TANK: variants seen among roughly 807,000 people sequenced by gnomAD.
TANK encodes the protein TRAF family member associated NFKB activator.
TANK carries 15 observed loss-of-function variants against 43.6 expected under a neutral mutation model. The observed-to-expected ratio is 0.34, with a 90% CI of 0.23 to 0.53. TANK has a LOEUF of 0.53. Ranked by LOEUF, TANK falls within the 20% of genes least tolerant of loss-of-function variation. The probability of loss-of-function intolerance (pLI) is 0.94; values close to 1 mark genes in which losing one functional copy is unlikely to be tolerated. For synonymous variants in TANK, 162 were observed against 178.2 expected (o/e 0.91, Z 0.73); for missense variants, 417 against 498.6 (o/e 0.84, Z 1.56).
At chr2:161,150,083 C>T (rs1476571485) in intron 1 of TANK, among the ~76,000 whole-genome samples, 1 of 152,044 alleles carries the variant, frequency 6.6e-6, no homozygotes, top group Non-Finnish European at 1.5e-5. Flanking sequence ...TGGTAGAATT[C>T]ACCAGTGAAG....
intron 1 of TANK, among the ~76,000 whole-genome samples, chr2:161,168,471 A>G (rs1684793224): frequency 6.6e-6 from 1 of 152,200 alleles, no homozygotes; most frequent in South Asian, 2.1e-4. Context: ...ATGGCCAAGT[A>G]TGGTCCTGAA....
At chr2:161,143,707 T>C (rs1683818625) in intron 1 of TANK, among the ~76,000 whole-genome samples, 1 of 152,170 alleles carries the variant, frequency 6.6e-6, no homozygotes, top group East Asian at 1.9e-4. Context: ...TGCTTTTGGA[T>C]TCGGTTTGCC....
chr2:161,138,150 T>G (rs1683641828), intron 1 of TANK: 1 of 164,816 alleles, frequency 6.1e-6, no homozygotes, highest in Non-Finnish European at 1.3e-5. Context: ...CAATTAGCCC[T>G]CATATTTTCA....
intron 4 of TANK, among the ~76,000 whole-genome samples, chr2:161,213,786 T>A (rs1276917229): frequency 1.3e-5 from 2 of 152,002 alleles, no homozygotes; most frequent in Admixed American, 1.3e-4. Context: ...AATAGCTTTT[T>A]TAGCGATTGT....
chr2:161,144,000 T>C (rs144815937), intron 1 of TANK, among the ~76,000 whole-genome samples: 1 of 152,334 alleles, frequency 6.6e-6, no homozygotes, highest in Admixed American at 6.5e-5. Context: ...AACTTGTTAT[T>C]GGTCTATTCA....
chr2:161,206,202 A>G (rs1361641979), intron 4 of TANK, among the ~76,000 whole-genome samples: 1 of 152,074 alleles, frequency 6.6e-6, no homozygotes, highest in Non-Finnish European at 1.5e-5. Context: ...ACTCAGTAGT[A>G]TATGTATGTA....
chr2:161,175,601 T>G (rs1233745751), intron 1 of TANK, among the ~76,000 whole-genome samples: 2 of 152,122 alleles, frequency 1.3e-5, no homozygotes, highest in Non-Finnish European at 2.9e-5. Flanking sequence ...CTGGGAAGCT[T>G]TACCAAAGGA....
chr2:161,231,191 T>C lies in TANK; in HGVS notation c.741T>C (p.His247=). 3.1e-6 allele frequency: 5 copies of C among 1,613,996 alleles called. No homozygotes were observed. The highest frequency in any genetic ancestry group is 2.2e-5 in the East Asian group (1 of 44,884). ...PPMDNDSTFL[H]STPERPGILS... is the part of the protein sequence containing the mutation. ...TGGACAATGACTCAACTTTCTTACA[T>C]AGCACTCCAGAGAGACCCGGCATCC... is the stretch of plus-strand genomic sequence containing the variant. The change falls in exon 7 of 8, where the codon CAT becomes CAC. Residue 247 remains histidine, a synonymous_variant. Transcript: ENST00000392749.
chr2:161,213,790 C>T (rs759460895), intron 4 of TANK, among the ~76,000 whole-genome samples: 32 of 150,008 alleles, frequency 2.1e-4, no homozygotes, highest in Non-Finnish European at 3.4e-4. Context: ...GCTTTTTTAG[C>T]GATTGTGGAT....
chr2:161,233,024 T>C, intron 7 of TANK: 1 of 633,706 alleles, frequency 1.6e-6, no homozygotes, highest in East Asian at 3.1e-5. Flanking sequence ...TTAAGCTATT[T>C]TATTAGTATT....
rs750436990 is a variant in TANK, at chr2:161,224,777, G to T, written c.520+31G>T. Reference sequence around the variant, plus strand: ...ATTTAATTTAATTTACAGTAATATTGATTTGCTTGATTGAAATTGATTTCC... The same window carrying T: ...ATTTAATTTAATTTACAGTAATATTTATTTGCTTGATTGAAATTGATTTCC... On this transcript the variant is annotated intron_variant, in intron 6 of 7. Transcript: ENST00000392749. The T allele has an allele frequency of 5.9e-5, 74 of 1,252,838 alleles. 1 individual carries two copies. The highest frequency in any genetic ancestry group is 7.2e-5 in the Non-Finnish European group (65 of 902,652). The allele number at this position is 1,252,838 out of a possible 1,614,324, so 77.6% of individuals were successfully genotyped here.
At chr2:161,142,932 G>T (rs1683794737) in intron 1 of TANK, among the ~76,000 whole-genome samples, 1 of 152,082 alleles carries the variant, frequency 6.6e-6, no homozygotes, top group African/African-American at 2.4e-5. Context: ...CCATTTTCAT[G>T]ATGTTGATTC....
intron 4 of TANK, among the ~76,000 whole-genome samples, chr2:161,210,159 T>C (rs1274106702): frequency 6.6e-6 from 1 of 152,106 alleles, no homozygotes; most frequent in African/African-American, 2.4e-5. Flanking sequence ...TTTTTTAGGT[T>C]TAGAATAGTA....
intron 1 of TANK, among the ~76,000 whole-genome samples, chr2:161,173,013 T>C (rs1685020016): frequency 6.6e-6 from 1 of 152,136 alleles, no homozygotes; most frequent in Admixed American, 6.6e-5. Context: ...CTTGAAAATC[T>C]CTCATTACTC....
At chr2:161,147,800 T>C (rs925029336) in intron 1 of TANK, among the ~76,000 whole-genome samples, 1 of 152,224 alleles carries the variant, frequency 6.6e-6, no homozygotes, top group Admixed American at 6.5e-5. Flanking sequence ...TTTTTTTACT[T>C]AGCACAATGG....
At chr2:161,203,136 A>C (rs1428891374) in intron 2 of TANK, among the ~76,000 whole-genome samples, 1 of 152,124 alleles carries the variant, frequency 6.6e-6, no homozygotes, top group Non-Finnish European at 1.5e-5. Context: ...GAATCACTTT[A>C]ATATAGCATC....
chr2:161,179,501 A>T lies in TANK; in HGVS notation c.-49-113A>T, dbSNP rs531302337. On this transcript the variant is annotated intron_variant, in intron 1 of 7. Coordinates refer to ENST00000392749, the MANE Select transcript of TANK (RefSeq NM_001199135.3). Reference sequence around the variant, plus strand: ...TTTAGATGAGACTTATGTTTATAGTACTTGGTGGTATAATGTTTGTGGTAA... The same window carrying T: ...TTTAGATGAGACTTATGTTTATAGTTCTTGGTGGTATAATGTTTGTGGTAA... 5.2e-5 allele frequency: 45 copies of T among 859,662 alleles called. No homozygotes were observed. In the African/African-American group the frequency reaches 6.8e-4, roughly 13 times the overall value. 53.3% of individuals were successfully genotyped at this position (859,662 alleles called of 1,614,324 possible). A position where few individuals can be genotyped will look rare whatever the true frequency, so the allele number is the denominator to read the frequency against.
intron 4 of TANK, among the ~76,000 whole-genome samples, chr2:161,217,320 C>G (rs753901856): frequency 6.6e-6 from 1 of 152,114 alleles, no homozygotes; most frequent in Non-Finnish European, 1.5e-5. Context: ...ATTTAAGGTT[C>G]TCAAATTCTC....
Position 161,188,660 on chromosome 2 carries a change from C to T in TANK, c.99+8899C>T, listed in dbSNP as rs1264021556. Among the ~76,000 whole-genome samples, 3 of 152,192 alleles carry T rather than the reference C, an allele frequency of 2.0e-5. No homozygotes were observed. In the East Asian group the frequency reaches 5.8e-4, roughly 29 times the overall value. ...AAAACTTGAACAGTATGTAACACTT[C>T]CTTACCCATTCTATGAGGCCAGCAT... On this transcript the variant is annotated intron_variant, in intron 2 of 7. Transcript: ENST00000392749.
Sources: gnomAD v4.1 joint callset for allele counts (sites outside exome capture counted in the v4.1 genomes callset) on GRCh38, gnomAD v4.1.1 for gene constraint, MANE v1.5 for transcripts, NCBI Gene and HGNC (gene_info 2026-07-23, HGNC 2026-07-21) for gene names.